WNT10B: variants seen among roughly 807,000 people sequenced by gnomAD.
The protein encoded by WNT10B is protein Wnt-10b.
Under a neutral mutation model 32.7 loss-of-function variants are expected in WNT10B, and 26 were observed. The observed-to-expected ratio is 0.79, with a 90% CI of 0.58 to 1.10. The LOEUF is 1.10. WNT10B is among the 50% of genes least tolerant of loss of function. The probability of loss-of-function intolerance (pLI) is 0.00; values close to 1 mark genes in which losing one functional copy is unlikely to be tolerated. For missense variants in WNT10B, 474 were observed against 532.5 expected (o/e 0.89, Z 1.08); for synonymous variants, 204 against 220.4 (o/e 0.93, Z 0.66).
In WNT10B at chr12:48,966,520, AC is replaced by A. The variant is rs1940737850; in HGVS notation, c.744del (p.Lys248AsnfsTer28). 6.2e-7 allele frequency: 1 copy of A among 1,613,814 alleles called. No individual in the cohort carries two copies. Among genetic ancestry groups the A allele is most frequent in the African/African-American group, 1.3e-5 (1 of 74,910 alleles). On this transcript the variant is annotated frameshift_variant, in exon 5 of 5. Coordinates refer to ENST00000301061, the MANE Select transcript of WNT10B (RefSeq NM_003394.4). LOFTEE classifies it high-confidence loss of function. Reference protein sequence around the residue: ...VVTENLKRKCKCHGTSGSCQF... With the variant: ...VVTENLKRKCXCHGTSGSCQF... Reference sequence around the variant, plus strand: ...TGGCAGCTGCCTGATGTGCCATGACACTTGCATTTCCGCTTCAGGTTTTCAG... The same window carrying A: ...TGGCAGCTGCCTGATGTGCCATGACATTGCATTTCCGCTTCAGGTTTTCAG...
Position 48,968,032 on chromosome 12 carries a change from ACTT to A in WNT10B, c.622_624del (p.Lys208del). The A allele has an allele frequency of 6.2e-7, 1 of 1,614,224 alleles. No individual in the cohort carries two copies. The highest frequency in any genetic ancestry group is 2.2e-5 in the East Asian group (1 of 44,892). On this transcript the variant is annotated inframe_deletion, in exon 4 of 5. Transcript: ENST00000301061. ...CTGGAATCCAAGAAATCCCGAGAGA[ACTT>A]CTCTCCAAAGTCCATGTCATGGTTA... is the stretch of plus-strand genomic sequence containing the variant.
chr12:48,966,518 A>G lies in WNT10B; in HGVS notation c.747T>C (p.Cys249=). 6.2e-7 allele frequency: 1 copy of G among 1,613,952 alleles called. No homozygotes were observed. Residue 249 remains cysteine, a synonymous_variant, in exon 5 of 5, where the codon TGT becomes TGC. Coordinates refer to ENST00000301061, the MANE Select transcript of WNT10B (RefSeq NM_003394.4). Reference sequence around the variant, plus strand: ...ACTGGCAGCTGCCTGATGTGCCATGACACTTGCATTTCCGCTTCAGGTTTT... The same window carrying G: ...ACTGGCAGCTGCCTGATGTGCCATGGCACTTGCATTTCCGCTTCAGGTTTT... The part of the protein sequence containing the change: ...VTENLKRKCK[C]HGTSGSCQFK...
rs763451340 is a variant in WNT10B, at chr12:48,966,307, G to C, written c.958C>G (p.Arg320Gly). ...CCTGGGGAGCCCATAGTGGGGTCTC[G>C]CTCACAGAAGTCAGGAGACTTCTCA... is the stretch of plus-strand genomic sequence containing the variant. ...YFEKSPDFCE[R>G]DPTMGSPGTR... The change falls in exon 5 of 5, where the codon CGA (arginine) becomes GGA (glycine). Residue 320 changes from arginine (R) to glycine (G), a missense_variant. Arg to Gly is a moderately radical substitution (Grantham distance 125). Transcript: ENST00000301061. 6.2e-7 allele frequency: 1 copy of C among 1,614,204 alleles called. No homozygotes were observed. Among genetic ancestry groups the C allele is most frequent in the Non-Finnish European group, 8.5e-7 (1 of 1,180,040 alleles).
Position 48,970,591 on chromosome 12 carries a change from G to T in WNT10B, c.-40-22C>A. ...GGACCTGCGGGACGGGAGACTTGAT[G>T]CGGGTTCAGGAATAGGGCGGCTCGC... On this transcript the variant is annotated intron_variant, in intron 1 of 4. Coordinates refer to ENST00000301061, the MANE Select transcript of WNT10B (RefSeq NM_003394.4). The surrounding 1 kb of genome is among the most constrained non-coding windows in gnomAD (Gnocchi z 5.0). 1 of 1,539,242 alleles carries T rather than the reference G, an allele frequency of 6.5e-7. No individual in the cohort carries two copies. The highest frequency in any genetic ancestry group is 8.8e-7 in the Non-Finnish European group (1 of 1,136,608).
rs771474628 is a variant in WNT10B at position 48,968,039 on chromosome 12, T to C, written c.618A>G (p.Gly206=). The change falls in exon 4 of 5, where the codon GGA becomes GGG. Residue 206 remains glycine, a synonymous_variant. Transcript: ENST00000301061. ...CCAAGAAATCCCGAGAGAACTTCTC[T>C]CCAAAGTCCATGTCATGGTTACAGC... ...WGGCNHDMDF[G]EKFSRDFLDS... The C allele has an allele frequency of 8.7e-6, 14 of 1,614,244 alleles. No homozygotes were observed. The South Asian group carries it at 1.5e-4, about 18-fold the overall frequency.
chr12:48,970,739 G>A lies in WNT10B; in HGVS notation c.-40-170C>T, dbSNP rs750128113. The A allele has an allele frequency of 2.4e-4, 147 of 616,458 alleles. No homozygotes were observed. Among genetic ancestry groups the A allele is most frequent in the Non-Finnish European group, 3.9e-4 (136 of 349,678 alleles). 38.2% of individuals were successfully genotyped at this position (616,458 alleles called of 1,614,324 possible). A position where few individuals can be genotyped will look rare whatever the true frequency, so the allele number is the denominator to read the frequency against. On this transcript the variant is annotated intron_variant, in intron 1 of 4. Transcript: ENST00000301061. The surrounding 1 kb of genome is among the most constrained non-coding windows in gnomAD (Gnocchi z 5.0). ...CCCCTTGATTCCCAGAGTCCCTGAG[G>A]CTTGGAGGTCTTAAAGAAGAAGAGT...
In WNT10B at chr12:48,965,844, A is replaced by G. The variant is rs1179383653; in HGVS notation, c.*251T>C. 3.6e-6 allele frequency: 2 copies of G among 557,458 alleles called. No homozygotes were observed. The highest frequency in any genetic ancestry group is 1.9e-5 in the African/African-American group (1 of 53,036). The allele number at this position is 557,458 out of a possible 1,614,324, so 34.5% of individuals were successfully genotyped here. A position where few individuals can be genotyped will look rare whatever the true frequency, so the allele number is the denominator to read the frequency against. On this transcript the variant is annotated 3_prime_UTR_variant, in exon 5 of 5. Coordinates refer to ENST00000301061, the MANE Select transcript of WNT10B (RefSeq NM_003394.4). ...TGGGAGGAGCAATACAGTGCATTTC[A>G]TCTTAGTCCATTCAGGTGTCTAAGG...
intron 3 of WNT10B, chr12:48,969,193 C>T (rs1454278415): frequency 1.3e-5 from 6 of 466,094 alleles, no homozygotes; most frequent in South Asian, 4.7e-5. Flanking sequence ...AGGGGCTCTC[C>T]GGAGCCCTGA....
At chr12:48,969,385 GC>G (rs1029905657) in intron 3 of WNT10B, among the ~76,000 whole-genome samples, 15 of 151,266 alleles carry the variant, frequency 9.9e-5, no homozygotes, top group African/African-American at 3.6e-4. Flanking sequence ...CCAGAGCACT[GC>G]CCCCATCTCT....
chr12:48,969,087 C>G, intron 3 of WNT10B: 1 of 470,994 alleles, frequency 2.1e-6, no homozygotes, highest in Non-Finnish European at 4.4e-6. Context: ...AAGCCTTTCC[C>G]AGACTTAAAT....
intron 4 of WNT10B, among the ~76,000 whole-genome samples, chr12:48,967,734 G>C (rs1388778774): frequency 6.6e-6 from 1 of 152,172 alleles, no homozygotes; most frequent in Non-Finnish European, 1.5e-5. Flanking sequence ...TTATAGGCGT[G>C]AGCCACCACA....
At chr12:48,969,185 G>A (rs894713498) in intron 3 of WNT10B, 12 of 467,770 alleles carry the variant, frequency 2.6e-5, no homozygotes, top group African/African-American at 2.0e-4. Flanking sequence ...TTTTAGGCAG[G>A]GGCTCTCCGG....
In WNT10B at chr12:48,970,152, A is replaced by G. The variant is rs1415774615; in HGVS notation, c.274T>C (p.Trp92Arg). Residue 92 changes from tryptophan to arginine, a missense_variant, in exon 3 of 5, where the codon TGG (tryptophan) becomes CGG (arginine). Trp to Arg is a moderately radical substitution (Grantham distance 101). Transcript: ENST00000301061. This position sits in a 1 kb window ranked among gnomAD's most constrained non-coding sequence, Gnocchi z 5.0. ...ECQHQLRDQRWNCSALEGGGR... is the reference protein window; with the variant it reads ...ECQHQLRDQRRNCSALEGGGR... ...CCGCCCTCAAGCGCGGAGCAGTTCC[A>G]GCGCTGGTCGCGCAGCTGGTGCTGA... The G allele has an allele frequency of 1.9e-6, 3 of 1,544,346 alleles. No individual in the cohort carries two copies. The highest frequency in any genetic ancestry group is 1.2e-5 in the South Asian group (1 of 84,474).
chr12:48,966,569 G>A lies in WNT10B; in HGVS notation c.712-16C>T. On this transcript the variant is annotated splice_polypyrimidine_tract_variant and intron_variant, in intron 4 of 4. Transcript: ENST00000301061. The stretch of plus-strand genomic sequence containing the variant: ...CAGTTACCACCTAGAGCATCAGGGG[G>A]AAAAGAGGTGAAGCAGAGGGCAGCA... 6.2e-7 allele frequency: 1 copy of A among 1,611,374 alleles called. No individual in the cohort carries two copies. Among genetic ancestry groups the A allele is most frequent in the Non-Finnish European group, 8.5e-7 (1 of 1,179,852 alleles).
Position 48,965,990 on chromosome 12 carries a change from G to A in WNT10B, c.*105C>T. Reference sequence around the variant, plus strand: ...AGCTGTTTCCAGGTAGATACTTTAAGCTTCCAGGGACCAAGAGTGACCTTG... The same window carrying A: ...AGCTGTTTCCAGGTAGATACTTTAAACTTCCAGGGACCAAGAGTGACCTTG... On this transcript the variant is annotated 3_prime_UTR_variant, in exon 5 of 5. Coordinates refer to ENST00000301061, the MANE Select transcript of WNT10B (RefSeq NM_003394.4). The A allele has an allele frequency of 7.2e-7, 1 of 1,397,052 alleles. No homozygotes were observed. Among genetic ancestry groups the A allele is most frequent in the Non-Finnish European group, 9.9e-7 (1 of 1,014,246 alleles). 86.5% of individuals were successfully genotyped at this position (1,397,052 alleles called of 1,614,324 possible). A position where few individuals can be genotyped will look rare whatever the true frequency, so the allele number is the denominator to read the frequency against.
rs1940713520 is a variant in WNT10B, at chr12:48,965,464, C to A, written c.*631G>T. ...GAGGCTCCAAGAGTCATGGGAAAAC[C>A]CCTTCCTTTGGAGGGTCCCCATTAA... On this transcript the variant is annotated 3_prime_UTR_variant, in exon 5 of 5. Coordinates refer to ENST00000301061, the MANE Select transcript of WNT10B (RefSeq NM_003394.4). The A allele has an allele frequency of 6.5e-6, 1 of 152,716 alleles. No homozygotes were observed. The highest frequency in any genetic ancestry group is 1.5e-5 in the Non-Finnish European group (1 of 68,100). The allele number at this position is 152,716 out of a possible 1,614,324, so 9.5% of individuals were successfully genotyped here.
At chr12:48,966,574 G>T in intron 4 of WNT10B, 21 bp from the exon 5 acceptor site, 1 of 1,611,178 alleles carries the variant, frequency 6.2e-7, no homozygotes, top group South Asian at 1.1e-5. Context: ...AGGGGGAAAA[G>T]AGGTGAAGCA....
intron 3 of WNT10B, among the ~76,000 whole-genome samples, chr12:48,968,545 G>A (rs1940786832): frequency 6.6e-6 from 1 of 152,188 alleles, no homozygotes; most frequent in Non-Finnish European, 1.5e-5. Context: ...AGGAGACGAT[G>A]GGTCAAGATG....
In WNT10B at chr12:48,970,661, G is replaced by C. The variant is rs1377422840; in HGVS notation, c.-40-92C>G. On this transcript the variant is annotated intron_variant, in intron 1 of 4. Transcript: ENST00000301061. This position sits in a 1 kb window ranked among gnomAD's most constrained non-coding sequence, Gnocchi z 5.0. Reference sequence around the variant, plus strand: ...CCTTCTTCGGGCTCCTAACCCACCGGTGCCACCCTACTGACCCTTCTCATT... The same window carrying C: ...CCTTCTTCGGGCTCCTAACCCACCGCTGCCACCCTACTGACCCTTCTCATT... 2.1e-6 allele frequency: 2 copies of C among 944,024 alleles called. No individual in the cohort carries two copies. The highest frequency in any genetic ancestry group is 3.3e-5 in the African/African-American group (2 of 60,640). 58.5% of individuals were successfully genotyped at this position (944,024 alleles called of 1,614,324 possible). A position where few individuals can be genotyped will look rare whatever the true frequency, so the allele number is the denominator to read the frequency against.
Sources: allele counts gnomAD v4.1 joint callset (sites outside exome capture counted in the v4.1 genomes callset), GRCh38; gene constraint gnomAD v4.1.1; non-coding constraint Gnocchi (gnomAD v3.1); transcripts MANE v1.5; gene names NCBI Gene and HGNC (gene_info 2026-07-23, HGNC 2026-07-21).